SNX13: variants seen among roughly 807,000 people sequenced by gnomAD.
SNX13 encodes sorting nexin 13.
Under a neutral mutation model 133.6 loss-of-function variants are expected in SNX13, and 45 were observed. The observed-to-expected ratio is 0.34, with a 90% CI of 0.27 to 0.43. SNX13 has a LOEUF of 0.43. Ranked by LOEUF, SNX13 falls within the 20% of genes least tolerant of loss-of-function variation. The probability of loss-of-function intolerance (pLI) is 1.00; values close to 1 mark genes in which losing one functional copy is unlikely to be tolerated. For synonymous variants in SNX13, 414 were observed against 373.9 expected (o/e 1.11, Z -1.24); for missense variants, 1,032 against 1,145.1 (o/e 0.90, Z 1.43).
At chr7:17,890,882 T>G (rs1796550235) in intron 4 of SNX13, among the ~76,000 whole-genome samples, 1 of 151,920 alleles carries the variant, frequency 6.6e-6, no homozygotes, top group African/African-American at 2.4e-5. Flanking sequence ...ACAAAAAAAG[T>G]TTTTTTAAAG....
At chr7:17,881,405 A>C (rs1795330264) in intron 5 of SNX13, 1 of 152,232 alleles carries the variant, frequency 6.6e-6, no homozygotes, top group East Asian at 1.9e-4. Context: ...GATCAATATA[A>C]TAACCAATCA....
intron 20 of SNX13, among the ~76,000 whole-genome samples, chr7:17,805,266 CATGCATGCACAT>C (rs1202433754): frequency 1.6e-5 from 2 of 125,642 alleles, no homozygotes; most frequent in Admixed American, 7.8e-5. Flanking sequence ...CGCGCGCGCG[CATGCATGCACAT>C]GTGTAATTCT....
Position 17,845,690 on chromosome 7 carries a change from A to C in SNX13, c.1070T>G (p.Ile357Arg). The C allele has an allele frequency of 6.3e-7, 1 of 1,587,626 alleles. No individual in the cohort carries two copies. The highest frequency in any genetic ancestry group is 8.6e-7 in the Non-Finnish European group (1 of 1,165,620). Residue 357 changes from isoleucine (I) to arginine (R), a missense_variant, in exon 12 of 26, where the codon ATA (isoleucine) becomes AGA (arginine). Transcript: ENST00000428135. The part of the protein sequence containing the change: ...RIQRLQSGKE[I>R]NTVKLAANFG... ...GTTTGCTGCAAGTTTCACAGTATTT[A>C]TTTCCTACAGGCAAAAGTGAATATA...
At chr7:17,837,919 T>C (rs955759670) in intron 13 of SNX13, among the ~76,000 whole-genome samples, 7 of 151,788 alleles carry the variant, frequency 4.6e-5, no homozygotes, top group African/African-American at 1.7e-4. Context: ...ACAACCTACA[T>C]GTATCATCAA....
rs1000604062 is a variant in SNX13, at chr7:17,790,939, T to G, written c.*3106A>C. The G allele has an allele frequency of 1.3e-5, 2 of 152,054 alleles. No homozygotes were observed. 9.4% of individuals were successfully genotyped at this position (152,054 alleles called of 1,614,324 possible). A position where few individuals can be genotyped will look rare whatever the true frequency, so the allele number is the denominator to read the frequency against. On this transcript the variant is annotated 3_prime_UTR_variant, in exon 26 of 26. Transcript: ENST00000428135. ...AGTTGACACTTACTGTACAATGATA[T>G]GCACACATTATCTTTTAACAATTAT...
chr7:17,937,001 T>TAAAA (rs1163450404), intron 1 of SNX13, among the ~76,000 whole-genome samples: 4 of 83,802 alleles, frequency 4.8e-5, no homozygotes, highest in East Asian at 2.9e-4. Context: ...AAACTAACAT[T>TAAAA]AAAAAAAATA....
intron 5 of SNX13, among the ~76,000 whole-genome samples, chr7:17,885,421 T>C (rs1280562732): frequency 6.6e-6 from 1 of 152,190 alleles, no homozygotes; most frequent in Non-Finnish European, 1.5e-5. Context: ...TTTATTGTGA[T>C]GAAAGCTGTA....
At chr7:17,836,410 G>A (rs1004566331) in intron 13 of SNX13, among the ~76,000 whole-genome samples, 4 of 151,946 alleles carry the variant, frequency 2.6e-5, no homozygotes, top group South Asian at 2.1e-4. Flanking sequence ...CCACCTACTC[G>A]GGAGTCTGAG....
rs1583856821 is a variant in SNX13, at chr7:17,936,144, T to C, written c.12+4140A>G. ...TGACTCTGCAATATGCTGTAAATTC[T>C]ATCATCTTCTTTGAAAATAAATCAC... On this transcript the variant is annotated intron_variant, in intron 1 of 25. Coordinates refer to ENST00000428135, the MANE Select transcript of SNX13 (RefSeq NM_015132.5). Among the ~76,000 whole-genome samples the C allele has an allele frequency of 2.0e-5, 3 of 152,370 alleles. No homozygotes were observed. The South Asian group carries it at 6.2e-4, about 32-fold the overall frequency.
intron 3 of SNX13, 63 bp downstream of exon 3, chr7:17,893,269 A>T: frequency 9.0e-7 from 1 of 1,106,728 alleles, no homozygotes. Context: ...TATACAGATG[A>T]TTACTCTATT....
At chr7:17,812,663 A>G (rs1331853140) in intron 20 of SNX13, among the ~76,000 whole-genome samples, 2 of 152,222 alleles carry the variant, frequency 1.3e-5, no homozygotes, top group African/African-American at 4.8e-5. Context: ...CCAAAGGATG[A>G]TAAATCATTC....
At chr7:17,871,418 C>A (rs1794109995) in intron 8 of SNX13, among the ~76,000 whole-genome samples, 1 of 152,126 alleles carries the variant, frequency 6.6e-6, no homozygotes, top group African/African-American at 2.4e-5. Context: ...CAAAGACCAT[C>A]CTTGACCAAA....
chr7:17,806,620 T>C (rs902579596), intron 20 of SNX13, among the ~76,000 whole-genome samples: 1 of 151,940 alleles, frequency 6.6e-6, no homozygotes, highest in Admixed American at 6.6e-5. Flanking sequence ...ATCAGAAAGA[T>C]AGGTAGACGC....
At chr7:17,920,451 C>T (rs1352118513) in intron 1 of SNX13, among the ~76,000 whole-genome samples, 2 of 152,150 alleles carry the variant, frequency 1.3e-5, no homozygotes, top group Non-Finnish European at 2.9e-5. Context: ...AAAGCCTACA[C>T]ATACACTGTA....
chr7:17,818,337 T>G (rs1186189912), intron 18 of SNX13, among the ~76,000 whole-genome samples: 1 of 152,174 alleles, frequency 6.6e-6, no homozygotes, highest in Non-Finnish European at 1.5e-5. Context: ...CTTTAAAATA[T>G]TAAACCTTAC....
intron 20 of SNX13, among the ~76,000 whole-genome samples, chr7:17,808,094 G>C (rs897644565): frequency 6.6e-6 from 1 of 152,174 alleles, no homozygotes; most frequent in Non-Finnish European, 1.5e-5. Flanking sequence ...AACAAAACTG[G>C]ATGGAGAATG....
chr7:17,850,973 A>C lies in SNX13; in HGVS notation c.838-9T>G. ...CAGTTAGAATCACGGATCTGAAAACAAGTTTAAGAAAAACAGGTGGGAGAG... is the reference window on the plus strand; with the variant it reads ...CAGTTAGAATCACGGATCTGAAAACCAGTTTAAGAAAAACAGGTGGGAGAG... On this transcript the variant is annotated splice_polypyrimidine_tract_variant and intron_variant, in intron 9 of 25. Transcript: ENST00000428135. The C allele has an allele frequency of 6.3e-7, 1 of 1,594,838 alleles. No homozygotes were observed. The highest frequency in any genetic ancestry group is 8.5e-7 in the Non-Finnish European group (1 of 1,171,874).
rs1337759401 is a variant in SNX13 at position 17,900,566 on chromosome 7, TAG to T, written c.13-3122_13-3121del. On this transcript the variant is annotated intron_variant, in intron 1 of 25. Transcript: ENST00000428135. ...CATTCTTCCCTCCCCTTTCCACAAG[TAG>T]AGGAGTCTCTCCCTACAGCAAGCAC... 3.9e-5 allele frequency among the ~76,000 whole-genome samples: 6 copies of T among 152,232 alleles called. No homozygotes were observed. The East Asian group carries it at 1.2e-3, about 29-fold the overall frequency.
chr7:17,890,374 C>T lies in SNX13; in HGVS notation c.429G>A (p.Gln143=), dbSNP rs1796495021. 6.2e-7 allele frequency: 1 copy of T among 1,610,636 alleles called. No homozygotes were observed. The highest frequency in any genetic ancestry group is 8.5e-7 in the Non-Finnish European group (1 of 1,178,174). Reference sequence around the variant, plus strand: ...TGTCGTGTCCTTACCTAGTAGCAAACTGAATGAGTGCGTTTTGAAGAGTCT... The same window carrying T: ...TGTCGTGTCCTTACCTAGTAGCAAATTGAATGAGTGCGTTTTGAAGAGTCT... ...IRQTLQNALI[Q]FATRSKEIDW... is the part of the protein sequence containing the mutation. Residue 143 remains glutamine, a synonymous_variant, in exon 5 of 26, where the codon CAG becomes CAA. Coordinates refer to ENST00000428135, the MANE Select transcript of SNX13 (RefSeq NM_015132.5).
Sources: allele counts gnomAD v4.1 joint callset (sites outside exome capture counted in the v4.1 genomes callset), GRCh38; gene constraint gnomAD v4.1.1; transcripts MANE v1.5; gene names NCBI Gene and HGNC (gene_info 2026-07-23, HGNC 2026-07-21).